JMY: variants seen among roughly 807,000 people sequenced by gnomAD.
The protein encoded by JMY is junction-mediating and -regulatory protein.
In JMY, 46 loss-of-function variants were observed where a neutral mutation model predicts 103.3. That is an observed-to-expected ratio of 0.45 (90% CI 0.35 to 0.57). JMY has a LOEUF of 0.57. JMY is among the 20% of genes least tolerant of loss of function. The pLI is 0.00. For missense variants in JMY, 1,238 were observed against 1,255.2 expected (o/e 0.99, Z 0.21); for synonymous variants, 526 against 489.3 (o/e 1.07, Z -0.99).
rs936732486 is a variant in JMY, at chr5:79,322,209, T to C, written c.*607T>C. 6.6e-6 allele frequency: 1 copy of C among 152,250 alleles called. No individual in the cohort carries two copies. Among genetic ancestry groups the C allele is most frequent in the Non-Finnish European group, 1.5e-5 (1 of 68,038 alleles). The allele number at this position is 152,250 out of a possible 1,614,324, so 9.4% of individuals were successfully genotyped here. A position where few individuals can be genotyped will look rare whatever the true frequency, so the allele number is the denominator to read the frequency against. On this transcript the variant is annotated 3_prime_UTR_variant, in exon 11 of 11. Transcript: ENST00000396137. ...ATCTGAAAAGCTGCATTTATGGAGA[T>C]ACATCTATTAATATGTTCACAACAT...
chr5:79,289,775 T>TGG (rs60954098), intron 2 of JMY, among the ~76,000 whole-genome samples: 149 of 150,200 alleles, frequency 9.9e-4, no homozygotes, highest in African/African-American at 3.2e-3. Flanking sequence ...TTAAGTAATT[T>TGG]GGGGGGGGGC....
chr5:79,264,774 A>G (rs1745534488), intron 1 of JMY, among the ~76,000 whole-genome samples: 1 of 152,212 alleles, frequency 6.6e-6, no homozygotes, highest in Non-Finnish European at 1.5e-5. Context: ...TAGAATAACT[A>G]AAAATGCTTC....
intron 1 of JMY, among the ~76,000 whole-genome samples, chr5:79,247,541 T>G (rs563820227): frequency 6.6e-6 from 1 of 152,200 alleles, no homozygotes; most frequent in Non-Finnish European, 1.5e-5. Context: ...GGTCTCAGTC[T>G]CCTGAGCTCA....
At chr5:79,308,603 T>C (rs1580369805) in intron 7 of JMY, among the ~76,000 whole-genome samples, 1 of 152,218 alleles carries the variant, frequency 6.6e-6, no homozygotes, top group Non-Finnish European at 1.5e-5. Flanking sequence ...AGAATCAGCT[T>C]GTCAGTAGCC....
Position 79,323,483 on chromosome 5 carries a change from G to GTGAT in JMY, c.*1884_*1887dup, listed in dbSNP as rs775550161. On this transcript the variant is annotated 3_prime_UTR_variant, in exon 11 of 11. Coordinates refer to ENST00000396137, the MANE Select transcript of JMY (RefSeq NM_152405.5). Reference sequence around the variant, plus strand: ...TAAAGCGTATTTCTTAACCCAAAGAGTGATTGGTTATATGAATATATTTGA... The same window carrying GTGAT: ...TAAAGCGTATTTCTTAACCCAAAGAGTGATTGATTGGTTATATGAATATATTTGA... 1 of 152,162 alleles carries GTGAT rather than the reference G, an allele frequency of 6.6e-6. No homozygotes were observed. The highest frequency in any genetic ancestry group is 1.5e-5 in the Non-Finnish European group (1 of 68,032). The allele number at this position is 152,162 out of a possible 1,614,324, so 9.4% of individuals were successfully genotyped here.
chr5:79,322,647 T>C lies in JMY; in HGVS notation c.*1045T>C, dbSNP rs959243138. 1.3e-5 allele frequency: 2 copies of C among 152,214 alleles called. No homozygotes were observed. The highest frequency in any genetic ancestry group is 4.8e-5 in the African/African-American group (2 of 41,456). The allele number at this position is 152,214 out of a possible 1,614,324, so 9.4% of individuals were successfully genotyped here. A position where few individuals can be genotyped will look rare whatever the true frequency, so the allele number is the denominator to read the frequency against. ...TGAATGGAATTTTGGGAGAATGCCT[T>C]TGTTATAGTCACTAAAATTTTAAAC... On this transcript the variant is annotated 3_prime_UTR_variant, in exon 11 of 11. Transcript: ENST00000396137.
chr5:79,294,433 A>C (rs1001723864), intron 4 of JMY, among the ~76,000 whole-genome samples: 1 of 152,166 alleles, frequency 6.6e-6, no homozygotes, highest in Non-Finnish European at 1.5e-5. Flanking sequence ...AATTAAAATG[A>C]AATGAAATAA....
intron 2 of JMY, among the ~76,000 whole-genome samples, chr5:79,282,572 A>C (rs1259472544): frequency 6.6e-6 from 1 of 152,194 alleles, no homozygotes; most frequent in African/African-American, 2.4e-5. Context: ...GTGCTTCACT[A>C]TTGAAGAATG....
chr5:79,238,625 T>A (rs946919073), intron 1 of JMY, among the ~76,000 whole-genome samples: 15 of 149,842 alleles, frequency 1.0e-4, no homozygotes, highest in African/African-American at 3.4e-4. Flanking sequence ...GGTGGAGAAA[T>A]GCACCCCCGC....
intron 6 of JMY, among the ~76,000 whole-genome samples, chr5:79,302,095 A>C (rs1746752598): frequency 6.6e-6 from 1 of 151,850 alleles, no homozygotes; most frequent in South Asian, 2.1e-4. Flanking sequence ...AAAAAAAAAA[A>C]AAAAAAACAT....
In JMY at chr5:79,277,993, T is replaced by C; in HGVS notation, c.1116T>C (p.Leu372=). ...YQMEDEAYSS[L]AEATTELYQY... is the part of the protein sequence containing the mutation. ...TGGAGGATGAAGCCTACAGCAGCCT[T>C]GCAGAAGCTACAACCGAACTCTATC... The change falls in exon 2 of 11, where the codon CTT becomes CTC. Residue 372 remains leucine (L), a synonymous_variant. Transcript: ENST00000396137. The C allele has an allele frequency of 6.2e-7, 1 of 1,614,064 alleles. No homozygotes were observed. Among genetic ancestry groups the C allele is most frequent in the Non-Finnish European group, 8.5e-7 (1 of 1,179,956 alleles).
intron 1 of JMY, among the ~76,000 whole-genome samples, chr5:79,247,884 ATATTTTATTT>A (rs1168365480): frequency 9.0e-5 from 13 of 144,178 alleles, no homozygotes; most frequent in African/African-American, 3.0e-4. Context: ...ATTTTATTTT[ATATTTTATTT>A]TATTTTATTT....
At position 79,309,827 on chromosome 5, in the gene JMY, C is replaced by T. The variant is rs188361413; in HGVS notation, c.1969-2576C>T. On this transcript the variant is annotated intron_variant, in intron 7 of 10. Coordinates refer to ENST00000396137, the MANE Select transcript of JMY (RefSeq NM_152405.5). Reference sequence around the variant, plus strand: ...TTTATAAGATTAGTCAGGGGACCAGCATGACAGTGAGGTAAGTTGCTCCCT... The same window carrying T: ...TTTATAAGATTAGTCAGGGGACCAGTATGACAGTGAGGTAAGTTGCTCCCT... 3.8e-4 allele frequency among the ~76,000 whole-genome samples: 58 copies of T among 152,274 alleles called. 1 individual carries two copies. The East Asian group carries it at 0.011, about 29-fold the overall frequency.
intron 5 of JMY, among the ~76,000 whole-genome samples, 179 bp downstream of exon 5, chr5:79,300,497 A>C (rs941523355): frequency 6.6e-6 from 1 of 152,184 alleles, no homozygotes; most frequent in African/African-American, 2.4e-5. Flanking sequence ...ATACTGCTAA[A>C]CACTTTGCAT....
intron 1 of JMY, among the ~76,000 whole-genome samples, chr5:79,248,801 C>T (rs974700688): frequency 6.6e-6 from 1 of 152,110 alleles, no homozygotes; most frequent in African/African-American, 2.4e-5. Context: ...TCAGCGCAGG[C>T]TGGAATGCAG....
At chr5:79,307,633 T>C (rs554971213) in intron 7 of JMY, among the ~76,000 whole-genome samples, 1 of 152,228 alleles carries the variant, frequency 6.6e-6, no homozygotes, top group South Asian at 2.1e-4. Context: ...TGCAAATCTT[T>C]AATGCAGATA....
chr5:79,237,305 G>T lies in JMY; in HGVS notation c.655G>T (p.Glu219Ter). 6.4e-7 allele frequency: 1 copy of T among 1,565,180 alleles called. No homozygotes were observed. Among genetic ancestry groups the T allele is most frequent in the Non-Finnish European group, 8.7e-7 (1 of 1,155,360 alleles). The change falls in exon 1 of 11, where the codon GAG (glutamate) becomes TAG (stop). Residue 219 changes from glutamate to a stop codon, truncating the protein, a stop_gained. Transcript: ENST00000396137. LOFTEE classifies it high-confidence loss of function. ...CGCGGAGCAGCCGCCGCCCGCCACCGAGCTGGAGTCTCCGGCCGAAGAGTG... is the reference window on the plus strand; with the variant it reads ...CGCGGAGCAGCCGCCGCCCGCCACCTAGCTGGAGTCTCCGGCCGAAGAGTG... ...SDAEQPPPAT[E>*]LESPAEECSW...
intron 1 of JMY, among the ~76,000 whole-genome samples, chr5:79,268,817 T>C (rs1745661560): frequency 6.6e-6 from 1 of 152,248 alleles, no homozygotes; most frequent in South Asian, 2.1e-4. Flanking sequence ...ATTTGTCATC[T>C]GTATATTTTC....
chr5:79,291,403 C>T (rs1462961593), intron 4 of JMY, 104 bp downstream of exon 4: 3 of 938,338 alleles, frequency 3.2e-6, no homozygotes, highest in African/African-American at 3.3e-5. Flanking sequence ...GATTTTATGC[C>T]ATCTTCATGA....
Sources: gnomAD v4.1 joint callset for allele counts (sites outside exome capture counted in the v4.1 genomes callset) on GRCh38, gnomAD v4.1.1 for gene constraint, MANE v1.5 for transcripts, NCBI Gene and HGNC (gene_info 2026-07-23, HGNC 2026-07-21) for gene names.